Variants in DENND2A observed in about 807,000 individuals in gnomAD.
DENND2A encodes DENN domain-containing protein 2A.
A neutral mutation model predicts 105.3 loss-of-function variants in DENND2A; 53 were observed. The observed-to-expected ratio is 0.50, with a 90% confidence interval of 0.40 to 0.63. The LOEUF is 0.63. Ranked by LOEUF, DENND2A falls within the 30% of genes least tolerant of loss-of-function variation. DENND2A has a pLI of 0.00. For missense variants in DENND2A, 1,138 were observed against 1,279.6 expected (o/e 0.89, Z 1.69); for synonymous variants, 522 against 508.4 (o/e 1.03, Z -0.36).
chr7:140,603,557 G>C (rs946210996), intron 2 of DENND2A, among the ~76,000 whole-genome samples: 1 of 152,240 alleles, frequency 6.6e-6, no homozygotes, highest in Non-Finnish European at 1.5e-5. Flanking sequence ...CTTGCCACCA[G>C]GGCAGGGATT....
chr7:140,562,682 C>G (rs1300913586), intron 9 of DENND2A, among the ~76,000 whole-genome samples: 1 of 143,142 alleles, frequency 7.0e-6, no homozygotes, highest in Non-Finnish European at 1.6e-5. Flanking sequence ...AACAAAACAA[C>G]AACAACAAAA....
intron 14 of DENND2A, among the ~76,000 whole-genome samples, chr7:140,528,454 G>T (rs767065227): frequency 7.9e-5 from 12 of 152,102 alleles, no homozygotes; most frequent in Admixed American, 5.2e-4. Flanking sequence ...CCAGAATTCT[G>T]GTCAAAGATG....
chr7:140,535,634 T>G (rs1020055897), intron 14 of DENND2A, among the ~76,000 whole-genome samples: 1 of 151,418 alleles, frequency 6.6e-6, no homozygotes, highest in East Asian at 1.9e-4. Flanking sequence ...CAGGCTGGAG[T>G]GCAATGGCGT....
chr7:140,538,656 G>A (rs1251819579), intron 14 of DENND2A, among the ~76,000 whole-genome samples: 5 of 151,746 alleles, frequency 3.3e-5, no homozygotes, highest in East Asian at 1.9e-4. Flanking sequence ...ACAGGCGCCC[G>A]CCACCATGCC....
Position 140,523,296 on chromosome 7 carries a change from T to TG in DENND2A, c.2665+10dup. ...AGGGAGAGACCCACTGGGAGGTGGC[T>TG]GAACACTTACCGTGCCTGCCGTCTA... On this transcript the variant is annotated intron_variant, in intron 17 of 19. Coordinates refer to ENST00000496613, the MANE Select transcript of DENND2A (RefSeq NM_015689.5). The surrounding 1 kb of genome is among the most constrained non-coding windows in gnomAD (Gnocchi z 4.5). 2 of 1,613,778 alleles carry TG rather than the reference T, an allele frequency of 1.2e-6. No individual in the cohort carries two copies. The highest frequency in any genetic ancestry group is 1.7e-6 in the Non-Finnish European group (2 of 1,179,678).
intron 8 of DENND2A, among the ~76,000 whole-genome samples, chr7:140,567,765 T>A (rs1298420863): frequency 1.3e-5 from 2 of 152,258 alleles, no homozygotes; most frequent in African/African-American, 4.8e-5. Flanking sequence ...GTGACTCAAC[T>A]GGCAGAGATC....
At chr7:140,618,405 C>T (rs757211522) in intron 1 of DENND2A, among the ~76,000 whole-genome samples, 1 of 152,088 alleles carries the variant, frequency 6.6e-6, no homozygotes, top group Non-Finnish European at 1.5e-5. Flanking sequence ...TCAGGTAGGC[C>T]GGAAACCCAG....
intron 14 of DENND2A, among the ~76,000 whole-genome samples, chr7:140,538,597 C>T (rs1443238906): frequency 6.6e-6 from 1 of 152,084 alleles, no homozygotes; most frequent in Non-Finnish European, 1.5e-5. Flanking sequence ...ACCTCCACCT[C>T]CCAGGTTTAA....
At chr7:140,573,485 T>C (rs1391091931) in intron 6 of DENND2A, among the ~76,000 whole-genome samples, 3 of 152,118 alleles carry the variant, frequency 2.0e-5, no homozygotes, top group African/African-American at 7.2e-5. Flanking sequence ...GGTCAGAGCA[T>C]GATGGATGGA....
At chr7:140,566,910 C>T (rs927533975) in intron 9 of DENND2A, among the ~76,000 whole-genome samples, 176 bp downstream of exon 9, 1 of 151,918 alleles carries the variant, frequency 6.6e-6, no homozygotes, top group African/African-American at 2.4e-5. Context: ...CTGGGACCTC[C>T]CAAATTCTCT....
intron 12 of DENND2A, among the ~76,000 whole-genome samples, chr7:140,551,392 G>A (rs949666330): frequency 5.3e-5 from 8 of 152,006 alleles, no homozygotes; most frequent in Non-Finnish European, 1.2e-4. Context: ...GTTGCCATGC[G>A]GGTTCTCTGG....
At position 140,602,540 on chromosome 7, in the gene DENND2A, A is replaced by T; in HGVS notation, c.-143T>A. On this transcript the variant is annotated splice_region_variant and 5_prime_UTR_variant, in exon 3 of 20. Coordinates refer to ENST00000496613, the MANE Select transcript of DENND2A (RefSeq NM_015689.5). ...CTCAGTCCTTGGACCTTCCACCTTG[A>T]CCCTGCACAAGAAAGACAAACACCA... 1.3e-6 allele frequency: 1 copy of T among 779,474 alleles called. No homozygotes were observed. The highest frequency in any genetic ancestry group is 1.9e-6 in the Non-Finnish European group (1 of 539,162). The allele number at this position is 779,474 out of a possible 1,614,324, so 48.3% of individuals were successfully genotyped here.
rs1386421847 is a variant in DENND2A, at chr7:140,624,013, G to A, written c.-248+16491C>T. 7.2e-5 allele frequency among the ~76,000 whole-genome samples: 11 copies of A among 152,204 alleles called. No homozygotes were observed. The East Asian group carries it at 1.5e-3, about 21-fold the overall frequency. ...TCCCTATTTCCACACCTAACGCCCC[G>A]GCAGGGCCATATGTGAGTGAAAAAC... is the stretch of plus-strand genomic sequence containing the variant. On this transcript the variant is annotated intron_variant, in intron 1 of 19. Coordinates refer to ENST00000496613, the MANE Select transcript of DENND2A (RefSeq NM_015689.5).
chr7:140,559,519 G>C lies in DENND2A; in HGVS notation c.1889+189C>G, dbSNP rs1367174990. On this transcript the variant is annotated intron_variant, in intron 10 of 19. Transcript: ENST00000496613. This position sits in a 1 kb window ranked among gnomAD's most constrained non-coding sequence, Gnocchi z 4.1. ...CCCAGATTGAGTGGGAAGCCCGGGA[G>C]GTCTGCATGCTGGGCAGGTGACTTC... is the stretch of plus-strand genomic sequence containing the variant. Among the ~76,000 whole-genome samples, 1 of 152,174 alleles carries C rather than the reference G, an allele frequency of 6.6e-6. No homozygotes were observed. Among genetic ancestry groups the C allele is most frequent in the Non-Finnish European group, 1.5e-5 (1 of 68,040 alleles).
chr7:140,520,247 A>T (rs1585537479), intron 18 of DENND2A, among the ~76,000 whole-genome samples: 1 of 151,776 alleles, frequency 6.6e-6, no homozygotes, highest in East Asian at 1.9e-4. Flanking sequence ...CGGAGGTTGC[A>T]GTGAGCCAAG....
intron 3 of DENND2A, among the ~76,000 whole-genome samples, chr7:140,601,135 A>T (rs1286933202): frequency 6.6e-6 from 1 of 152,238 alleles, no homozygotes; most frequent in African/African-American, 2.4e-5. Flanking sequence ...TACTGTCCCA[A>T]TTCCAAGTCC....
chr7:140,601,980 C>G lies in DENND2A; in HGVS notation c.418G>C (p.Gly140Arg). ...QPEREVDPSW[G>R]RGREPRLGKL... ...CCAAGTCTTGGCTCTCGGCCTCGGC[C>G]CCAGCTAGGATCCACTTCCCGTTCT... The change falls in exon 3 of 20, where the codon GGC (glycine) becomes CGC (arginine). Residue 140 changes from glycine to arginine, a missense_variant. Around this residue, in one of 2 missense-constraint regions of DENND2A, gnomAD observed 511 missense variants for 499.9 expected, o/e 1.02. Coordinates refer to ENST00000496613, the MANE Select transcript of DENND2A (RefSeq NM_015689.5). 6.2e-7 allele frequency: 1 copy of G among 1,614,202 alleles called. No homozygotes were observed. Among genetic ancestry groups the G allele is most frequent in the Non-Finnish European group, 8.5e-7 (1 of 1,180,030 alleles).
chr7:140,620,543 A>G (rs186360931), intron 1 of DENND2A, among the ~76,000 whole-genome samples: 1 of 152,226 alleles, frequency 6.6e-6, no homozygotes, highest in East Asian at 1.9e-4. Flanking sequence ...TATTATAAGC[A>G]TATATTATAA....
At chr7:140,628,528 A>G (rs933984499) in intron 1 of DENND2A, among the ~76,000 whole-genome samples, 2 of 143,230 alleles carry the variant, frequency 1.4e-5, no homozygotes, top group Non-Finnish European at 3.0e-5. Context: ...TTGGCCTAAA[A>G]TTTCTTTCTT....
Sources: allele counts gnomAD v4.1 joint callset (sites outside exome capture counted in the v4.1 genomes callset), GRCh38; gene constraint gnomAD v4.1.1; regional missense constraint gnomAD v4.1.1; non-coding constraint Gnocchi (gnomAD v3.1); transcripts MANE v1.5; gene names NCBI Gene and HGNC (gene_info 2026-07-23, HGNC 2026-07-21).